The following TBC1D8 variants were observed in gnomAD, a reference collection of about 807,000 sequenced individuals.
TBC1D8 encodes TBC1 domain family member 8.
A neutral mutation model predicts 118.8 loss-of-function variants in TBC1D8; 65 were observed. The ratio of observed to expected loss-of-function variants is 0.55; its 90% CI spans 0.45 to 0.67. The LOEUF is 0.67. Among genes scored for constraint, TBC1D8 ranks in the 30% least tolerant of loss-of-function variants. The pLI is 0.00. For missense variants in TBC1D8, 1,376 were observed against 1,471.2 expected, an observed-to-expected ratio of 0.94 and a Z score of 1.06; for synonymous variants, 566 against 595.8, an observed-to-expected ratio of 0.95 and a Z score of 0.73.
At chr2:101,022,177 AGT>A in intron 16 of TBC1D8, 102 bp downstream of exon 16, 1 of 1,539,574 alleles carries the variant, frequency 6.5e-7, no homozygotes, top group East Asian at 2.4e-5. Context: ...CAGTCACAAA[AGT>A]GTTACACCAT....
intron 7 of TBC1D8, among the ~76,000 whole-genome samples, 192 bp from the exon 8 acceptor site, chr2:101,037,900 T>C (rs1409916635): frequency 6.6e-6 from 1 of 152,018 alleles, no homozygotes; most frequent in Non-Finnish European, 1.5e-5. Context: ...ATGCTCCGGG[T>C]GAGGCTGTCC....
intron 2 of TBC1D8, among the ~76,000 whole-genome samples, chr2:101,068,844 C>T (rs571141860): frequency 3.7e-4 from 57 of 152,050 alleles, no homozygotes; most frequent in Non-Finnish European, 6.3e-4. Context: ...ACTAAAAATA[C>T]AAAAATTAGC....
intron 4 of TBC1D8, among the ~76,000 whole-genome samples, chr2:101,052,459 A>T (rs1242441622): frequency 1.3e-5 from 2 of 149,352 alleles, no homozygotes. Context: ...CATATTAGGA[A>T]TCATTTATTT....
At chr2:101,034,723 G>C (rs770301741) in intron 9 of TBC1D8, among the ~76,000 whole-genome samples, 18 of 152,244 alleles carry the variant, frequency 1.2e-4, no homozygotes, top group Non-Finnish European at 2.6e-4. Context: ...CAATCAGGTG[G>C]TGGGATTCTG....
At chr2:101,047,204 G>A (rs1049978460) in intron 5 of TBC1D8, among the ~76,000 whole-genome samples, 16 of 152,126 alleles carry the variant, frequency 1.1e-4, no homozygotes, top group African/African-American at 3.4e-4. Context: ...TGACTCCCAC[G>A]CCTGGCAACT....
At chr2:101,117,643 G>T (rs184990199) in intron 1 of TBC1D8, among the ~76,000 whole-genome samples, 1 of 148,334 alleles carries the variant, frequency 6.7e-6, no homozygotes, top group Non-Finnish European at 1.5e-5. Flanking sequence ...GCGCCATCTC[G>T]GTTCACTGCA....
intron 2 of TBC1D8, 125 bp downstream of exon 2, chr2:101,090,084 G>A (rs1383789951): frequency 9.0e-6 from 9 of 996,818 alleles, no homozygotes; most frequent in Non-Finnish European, 1.3e-5. Context: ...GGGGAGGGGA[G>A]TTAAGTTCCT....
intron 1 of TBC1D8, among the ~76,000 whole-genome samples, chr2:101,090,630 G>T (rs116522976): frequency 1.3e-5 from 2 of 152,192 alleles, no homozygotes; most frequent in African/African-American, 4.8e-5. Context: ...TGAACCAGTC[G>T]CCCAGCCTAG....
Position 101,029,706 on chromosome 2 carries a change from C to T in TBC1D8, c.2007G>A (p.Met669Ile). ...CGGACGCCAGGGCTGAGAGGTCGTT[C>T]ATGTGCTCTGCCAGCTCTGGGAGAT... ...KGHLPELAEH[M>I]NDLSALASVS... The change falls in exon 12 of 20, where the codon ATG becomes ATA. Residue 669 changes from methionine (M) to isoleucine (I), a missense_variant. Coordinates refer to ENST00000409318, the MANE Select transcript of TBC1D8 (RefSeq NM_001330348.2). 1 of 1,614,020 alleles carries T rather than the reference C, an allele frequency of 6.2e-7. No individual in the cohort carries two copies. Among genetic ancestry groups the T allele is most frequent in the Non-Finnish European group, 8.5e-7 (1 of 1,179,890 alleles).
At chr2:101,014,463 C>T (rs1679465374) in intron 17 of TBC1D8, among the ~76,000 whole-genome samples, 1 of 152,190 alleles carries the variant, frequency 6.6e-6, no homozygotes, top group South Asian at 2.1e-4. Context: ...AGATGCTGAC[C>T]TTTGCAAATT....
At chr2:101,064,577 A>G (rs1413978383) in intron 2 of TBC1D8, among the ~76,000 whole-genome samples, 1 of 152,222 alleles carries the variant, frequency 6.6e-6, no homozygotes, top group Non-Finnish European at 1.5e-5. Flanking sequence ...TCAAAAAAAG[A>G]CTTTTTCGTT....
At chr2:101,089,808 A>C (rs1382344903) in intron 2 of TBC1D8, among the ~76,000 whole-genome samples, 2 of 152,092 alleles carry the variant, frequency 1.3e-5, no homozygotes, top group African/African-American at 4.8e-5. Flanking sequence ...ATTAAGAAGA[A>C]AATGGCTCGA....
chr2:101,018,882 A>G, intron 17 of TBC1D8: 1 of 1,364,082 alleles, frequency 7.3e-7, no homozygotes, highest in Non-Finnish European at 1.0e-6. Flanking sequence ...AATGGCCAAT[A>G]TCCGTAGGTT....
At chr2:101,135,126 C>G (rs1449843387) in intron 1 of TBC1D8, among the ~76,000 whole-genome samples, 1 of 152,060 alleles carries the variant, frequency 6.6e-6, no homozygotes, top group Non-Finnish European at 1.5e-5. Context: ...GAGCCGAGAT[C>G]GCGCCACTGC....
Position 101,090,116 on chromosome 2 carries a change from C to A in TBC1D8, c.283+93G>T, listed in dbSNP as rs909061154. On this transcript the variant is annotated intron_variant, in intron 2 of 19. Transcript: ENST00000409318. ...TCCTGAAAGCAGATGAGGGAGTTAT[C>A]CAAAGGGGTTACCTTCAAGCTTCAC... The A allele has an allele frequency of 1.0e-5, 14 of 1,396,220 alleles. No homozygotes were observed. The African/African-American group carries it at 1.3e-4, about 13-fold the overall frequency. The allele number at this position is 1,396,220 out of a possible 1,614,324, so 86.5% of individuals were successfully genotyped here.
At chr2:101,112,813 G>T (rs1292106063) in intron 1 of TBC1D8, among the ~76,000 whole-genome samples, 2 of 152,166 alleles carry the variant, frequency 1.3e-5, no homozygotes, top group East Asian at 3.9e-4. Flanking sequence ...CCTAACTCAT[G>T]AAGACTAGAA....
chr2:101,037,828 C>G (rs1274928164), intron 7 of TBC1D8, 120 bp from the exon 8 acceptor site: 26 of 1,253,144 alleles, frequency 2.1e-5, no homozygotes, highest in Non-Finnish European at 2.7e-5. Flanking sequence ...TTCAATGACT[C>G]AGGGGGAAGA....
intron 17 of TBC1D8, among the ~76,000 whole-genome samples, chr2:101,015,832 C>T (rs1455861902): frequency 1.3e-5 from 2 of 152,108 alleles, no homozygotes; most frequent in Non-Finnish European, 2.9e-5. Flanking sequence ...AAAGGATTCC[C>T]TATTTAATAA....
At chr2:101,054,801 G>A (rs1682319706) in intron 3 of TBC1D8, among the ~76,000 whole-genome samples, 1 of 146,048 alleles carries the variant, frequency 6.8e-6, no homozygotes, top group African/African-American at 2.5e-5. Flanking sequence ...TCCTGCCTCA[G>A]CCTCCCAAAT....
Sources: gnomAD v4.1 joint callset for allele counts (sites outside exome capture counted in the v4.1 genomes callset) on GRCh38, gnomAD v4.1.1 for gene constraint, MANE v1.5 for transcripts, NCBI Gene and HGNC (gene_info 2026-07-23, HGNC 2026-07-21) for gene names.